The following CNTNAP2 variants were observed in gnomAD, a reference collection of about 807,000 sequenced individuals.
The protein encoded by CNTNAP2 is contactin-associated protein-like 2.
A neutral mutation model predicts 155.2 loss-of-function variants in CNTNAP2; 98 were observed. That is an observed-to-expected ratio of 0.63 (90% CI 0.54 to 0.75). The LOEUF is 0.75. CNTNAP2 is among the 30% of genes least tolerant of loss of function. The probability of loss-of-function intolerance (pLI) is 0.00; values close to 1 mark genes in which losing one functional copy is unlikely to be tolerated. For missense variants in CNTNAP2, 1,727 were observed against 1,688.1 expected, an observed-to-expected ratio of 1.02 and a Z score of -0.40; for synonymous variants, 651 against 631.2, an observed-to-expected ratio of 1.03 and a Z score of -0.47.
At chr7:146,893,701 C>T (rs1795823259) in intron 3 of CNTNAP2, among the ~76,000 whole-genome samples, 1 of 152,120 alleles carries the variant, frequency 6.6e-6, no homozygotes, top group African/African-American at 2.4e-5. Flanking sequence ...ATCAGCCATA[C>T]TGCCTGTCTC....
chr7:146,617,096 T>G (rs724039), intron 1 of CNTNAP2, among the ~76,000 whole-genome samples: 1 of 152,222 alleles, frequency 6.6e-6, no homozygotes, highest in African/African-American at 2.4e-5. Context: ...CTCCGCTCGC[T>G]GCAAGTTCTG....
chr7:147,711,166 A>G (rs1796395695), intron 13 of CNTNAP2, among the ~76,000 whole-genome samples: 2 of 152,204 alleles, frequency 1.3e-5, no homozygotes, highest in African/African-American at 4.8e-5. Flanking sequence ...TTAAATAGTA[A>G]CCTAACTTAC....
intron 16 of CNTNAP2, among the ~76,000 whole-genome samples, chr7:148,127,778 T>A (rs1171101438): frequency 1.3e-5 from 2 of 152,210 alleles, no homozygotes; most frequent in Non-Finnish European, 2.9e-5. Context: ...ACTGGGCTGT[T>A]GTTCTGTTGG....
At chr7:148,162,102 TA>T (rs1170742572) in intron 17 of CNTNAP2, among the ~76,000 whole-genome samples, 4 of 151,912 alleles carry the variant, frequency 2.6e-5, no homozygotes, top group Admixed American at 6.6e-5. Context: ...ACTCCGGATT[TA>T]AAAAAAGACT....
Position 148,118,049 on chromosome 7 carries a change from G to A in CNTNAP2, c.2384-69G>A, listed in dbSNP as rs1181590786. 2.0e-6 allele frequency: 3 copies of A among 1,517,664 alleles called. No homozygotes were observed. In the East Asian group the frequency reaches 6.7e-5, roughly 34 times the overall value. The allele number at this position is 1,517,664 out of a possible 1,614,324, so 94.0% of individuals were successfully genotyped here. ...ATGGTACTTATTAAACTCAAGCAATGGGTATCTGTTACATGACTAGGCTGA... is the reference window on the plus strand; with the variant it reads ...ATGGTACTTATTAAACTCAAGCAATAGGTATCTGTTACATGACTAGGCTGA... On this transcript the variant is annotated intron_variant, in intron 15 of 23. Transcript: ENST00000361727.
chr7:147,745,850 A>G lies in CNTNAP2; in HGVS notation c.2098+106544A>G, dbSNP rs540161878. Among the ~76,000 whole-genome samples, 187 of 152,334 alleles carry G rather than the reference A, an allele frequency of 1.2e-3. 2 individuals carry two copies. Among genetic ancestry groups the G allele is most frequent in the Non-Finnish European group, 1.4e-3 (98 of 68,028 alleles). ...TTTCTACTAAACTAAAATTGTTAAG[A>G]TCCTTTTCATTTTGAACATAATCAC... On this transcript the variant is annotated intron_variant, in intron 13 of 23. Coordinates refer to ENST00000361727, the MANE Select transcript of CNTNAP2 (RefSeq NM_014141.6).
intron 16 of CNTNAP2, among the ~76,000 whole-genome samples, chr7:148,121,280 G>A (rs1015730659): frequency 3.9e-5 from 6 of 152,068 alleles, no homozygotes; most frequent in Admixed American, 6.6e-5. Flanking sequence ...TGATCCACCC[G>A]CGTCGGCCTC....
At position 146,630,299 on chromosome 7, in the gene CNTNAP2, C is replaced by G. The variant is rs891803114; in HGVS notation, c.98-143972C>G. Among the ~76,000 whole-genome samples, 4 of 152,106 alleles carry G rather than the reference C, an allele frequency of 2.6e-5. No individual in the cohort carries two copies. In the East Asian group the frequency reaches 7.7e-4, roughly 29 times the overall value. On this transcript the variant is annotated intron_variant, in intron 1 of 23. Transcript: ENST00000361727. The stretch of plus-strand genomic sequence containing the variant: ...GCTTCCAGCTTCATCCATGTCCCTG[C>G]AAAGGACATGAACTCATCCTTTTTT...
At chr7:147,238,854 C>A (rs1803875673) in intron 8 of CNTNAP2, among the ~76,000 whole-genome samples, 1 of 152,162 alleles carries the variant, frequency 6.6e-6, no homozygotes, top group Non-Finnish European at 1.5e-5. Flanking sequence ...ATCATTCAGT[C>A]CACTAAGTTG....
intron 1 of CNTNAP2, among the ~76,000 whole-genome samples, chr7:146,429,115 C>T (rs1162680404): frequency 6.6e-6 from 1 of 152,014 alleles, no homozygotes; most frequent in Non-Finnish European, 1.5e-5. Flanking sequence ...CAGTACCATG[C>T]TGTTTTGGTT....
At chr7:146,598,342 C>G (rs1798894676) in intron 1 of CNTNAP2, among the ~76,000 whole-genome samples, 1 of 152,036 alleles carries the variant, frequency 6.6e-6, no homozygotes, top group South Asian at 2.1e-4. Context: ...AAAGGAATCT[C>G]GATCTGACAG....
chr7:148,217,528 A>AG lies in CNTNAP2; in HGVS notation c.3247+6dup. On this transcript the variant is annotated splice_donor_region_variant and intron_variant, in intron 19 of 23. Transcript: ENST00000361727. ...GCAGTCCTCGTCAAACCCACTGGTA[A>AG]GGACAAGGATACCCAGCCTCTGCCA... The AG allele has an allele frequency of 1.9e-6, 3 of 1,613,662 alleles. No individual in the cohort carries two copies. The highest frequency in any genetic ancestry group is 2.5e-6 in the Non-Finnish European group (3 of 1,179,526).
At chr7:146,137,071 A>G (rs1473562029) in intron 1 of CNTNAP2, among the ~76,000 whole-genome samples, 1 of 152,182 alleles carries the variant, frequency 6.6e-6, no homozygotes, top group East Asian at 1.9e-4. Context: ...ATCCATATCA[A>G]CTACTCAGTT....
chr7:147,033,973 TAGAC>T (rs1189012895), intron 3 of CNTNAP2, among the ~76,000 whole-genome samples: 1 of 152,130 alleles, frequency 6.6e-6, no homozygotes, highest in Non-Finnish European at 1.5e-5. Context: ...GGCTGCTCCA[TAGAC>T]AGAGCAGGAC....
rs1338627706 is a variant in CNTNAP2, at chr7:146,817,926, C to T, written c.209-21785C>T. Among the ~76,000 whole-genome samples, 3 of 151,970 alleles carry T rather than the reference C, an allele frequency of 2.0e-5. No homozygotes were observed. The East Asian group carries it at 5.8e-4, about 29-fold the overall frequency. ...ACTGAAATCAGAAAAAATAAGCCAACTAGAAATTTGTTAAAAAAAGAATAT... is the reference window on the plus strand; with the variant it reads ...ACTGAAATCAGAAAAAATAAGCCAATTAGAAATTTGTTAAAAAAAGAATAT... On this transcript the variant is annotated intron_variant, in intron 2 of 23. Coordinates refer to ENST00000361727, the MANE Select transcript of CNTNAP2 (RefSeq NM_014141.6).
intron 13 of CNTNAP2, among the ~76,000 whole-genome samples, chr7:147,869,067 G>T (rs1799282716): frequency 1.3e-5 from 2 of 152,188 alleles, no homozygotes; most frequent in African/African-American, 4.8e-5. Context: ...CACACTGGGT[G>T]CTGCGGACCA....
intron 16 of CNTNAP2, among the ~76,000 whole-genome samples, chr7:148,139,495 T>G (rs1170775116): frequency 6.6e-6 from 1 of 152,130 alleles, no homozygotes; most frequent in African/African-American, 2.4e-5. Context: ...TCACTGAAGC[T>G]TTTAGGTCTT....
At chr7:146,718,237 T>C (rs566255608) in intron 1 of CNTNAP2, among the ~76,000 whole-genome samples, 2 of 152,228 alleles carry the variant, frequency 1.3e-5, no homozygotes, top group Non-Finnish European at 2.9e-5. Flanking sequence ...CTCAGTGCTT[T>C]TCTCCAATTC....
chr7:146,721,251 C>A (rs1009479215), intron 1 of CNTNAP2, among the ~76,000 whole-genome samples: 15 of 128,824 alleles, frequency 1.2e-4, no homozygotes, highest in Non-Finnish European at 2.0e-4. Context: ...TCTCTATATT[C>A]TCTATATACT....
Sources: allele counts gnomAD v4.1 joint callset (sites outside exome capture counted in the v4.1 genomes callset), GRCh38; gene constraint gnomAD v4.1.1; transcripts MANE v1.5; gene names NCBI Gene and HGNC (gene_info 2026-07-23, HGNC 2026-07-21).